Variants in LIFR observed in about 807,000 individuals in gnomAD.
LIFR encodes LIF receptor subunit alpha.
Under a neutral mutation model 122.2 loss-of-function variants are expected in LIFR, and 84 were observed. The observed-to-expected ratio is 0.69, with a 90% CI of 0.58 to 0.82. The LOEUF (loss-of-function observed/expected upper bound fraction) is 0.82, where lower values mean the gene tolerates loss of function less well. Ranked by LOEUF, LIFR falls within the 40% of genes least tolerant of loss-of-function variation. The probability of loss-of-function intolerance (pLI) is 0.00; values close to 1 mark genes in which losing one functional copy is unlikely to be tolerated. For missense variants in LIFR, 1,294 were observed against 1,311.6 expected (o/e 0.99, Z 0.21); for synonymous variants, 422 against 434.7 (o/e 0.97, Z 0.36).
upstream of LIFR, among the ~76,000 whole-genome samples, chr5:38,598,359 A>ACCTCAG (rs1172994372): frequency 2.7e-5 from 4 of 146,556 alleles, no homozygotes; most frequent in East Asian, 8.1e-4. Context: ...CATTTCTCCC[A>ACCTCAG]CCTCAGCCTC....
chr5:38,509,154 A>C (rs1745657981), intron 7 of LIFR, among the ~76,000 whole-genome samples: 1 of 152,214 alleles, frequency 6.6e-6, no homozygotes. Context: ...ACACAAATGG[A>C]AACAGTGCAC....
chr5:38,604,249 G>A (rs1580256232), intron 2 of LIFR, among the ~76,000 whole-genome samples: 1 of 152,120 alleles, frequency 6.6e-6, no homozygotes, highest in South Asian at 2.1e-4. Flanking sequence ...AAATTAACTA[G>A]TCCTACTGAA....
At chr5:38,576,537 G>T (rs1749391843) in intron 1 of LIFR, among the ~76,000 whole-genome samples, 1 of 152,164 alleles carries the variant, frequency 6.6e-6, no homozygotes, top group African/African-American at 2.4e-5. Flanking sequence ...GCATTTTCTT[G>T]GTTCCACTTG....
intron 5 of LIFR, among the ~76,000 whole-genome samples, chr5:38,518,033 C>T (rs1369444545): frequency 1.3e-5 from 2 of 150,770 alleles, no homozygotes; most frequent in Non-Finnish European, 3.0e-5. Flanking sequence ...CAAAAGTATC[C>T]CTTAGGAGTT....
intron 5 of LIFR, among the ~76,000 whole-genome samples, chr5:38,518,801 G>A (rs907491808): frequency 2.0e-5 from 3 of 152,128 alleles, no homozygotes; most frequent in African/African-American, 7.2e-5. Flanking sequence ...AAGAAGGCAT[G>A]GTTACCAGAG....
intron 1 of LIFR, chr5:38,550,179 C>T (rs35472725): frequency 0.36 from 256,162 of 710,578 alleles, 47,244 homozygotes; most frequent in East Asian, 0.42. Context: ...CACCCACCAA[C>T]AGCATTTGAA....
At chr5:38,482,544 A>G in intron 19 of LIFR, 45 bp downstream of exon 19, 2 of 1,015,124 alleles carry the variant, frequency 2.0e-6, no homozygotes, top group African/African-American at 1.6e-5. Flanking sequence ...GATTAAAAAA[A>G]GAAGCCAGCA....
intron 1 of LIFR, among the ~76,000 whole-genome samples, chr5:38,563,676 A>G (rs1350172700): frequency 6.6e-6 from 1 of 152,210 alleles, no homozygotes; most frequent in Non-Finnish European, 1.5e-5. Flanking sequence ...ACTGTGTACC[A>G]ACTCAGCCCA....
chr5:38,541,377 T>C (rs1312746178), intron 1 of LIFR, among the ~76,000 whole-genome samples: 3 of 152,212 alleles, frequency 2.0e-5, no homozygotes, highest in Non-Finnish European at 4.4e-5. Context: ...CTCAGACCCA[T>C]GCACGTCAGC....
At chr5:38,535,730 A>G (rs765027624) in intron 1 of LIFR, among the ~76,000 whole-genome samples, 1 of 152,182 alleles carries the variant, frequency 6.6e-6, no homozygotes, top group African/African-American at 2.4e-5. Flanking sequence ...GGCACAAAGC[A>G]GACACCAAAA....
At chr5:38,578,207 C>CTTTTTTTTTTTTTTTTTTT (rs3079294) in intron 1 of LIFR, among the ~76,000 whole-genome samples, 5 of 123,458 alleles carry the variant, frequency 4.0e-5, no homozygotes, top group East Asian at 4.6e-4. Context: ...TTTTCTTTTT[C>CTTTTTTTTTTTTTTTTTTT]TTTTTTTTTT....
intron 1 of LIFR, among the ~76,000 whole-genome samples, chr5:38,566,733 C>G (rs943139647): frequency 3.9e-5 from 6 of 152,122 alleles, no homozygotes; most frequent in Non-Finnish European, 7.4e-5. Context: ...GTAACAATAT[C>G]TTGATTGTCC....
At chr5:38,517,773 C>T (rs779667083) in intron 5 of LIFR, among the ~76,000 whole-genome samples, 1 of 140,596 alleles carries the variant, frequency 7.1e-6, no homozygotes, top group Non-Finnish European at 1.5e-5. Context: ...AAGAGAATAG[C>T]TTGAACCCGG....
At chr5:38,486,067 C>T in intron 16 of LIFR, 87 bp from the exon 17 acceptor site, 1 of 1,242,710 alleles carries the variant, frequency 8.0e-7, no homozygotes, top group Non-Finnish European at 1.2e-6. Context: ...AACTGCCCTT[C>T]TAAGTGGGTC....
At position 38,496,347 on chromosome 5, in the gene LIFR, C is replaced by A. The variant is rs1329033458; in HGVS notation, c.1885+35G>T. Reference sequence around the variant, plus strand: ...ATCAGACATTTCTCACTTTAGTTTCCCGTTCTTATATACTAAATCATCTCA... The same window carrying A: ...ATCAGACATTTCTCACTTTAGTTTCACGTTCTTATATACTAAATCATCTCA... On this transcript the variant is annotated intron_variant, in intron 13 of 19. Transcript: ENST00000453190. 2.7e-6 allele frequency: 4 copies of A among 1,481,888 alleles called. No homozygotes were observed. The South Asian group carries it at 4.5e-5, about 17-fold the overall frequency. 91.8% of individuals were successfully genotyped at this position (1,481,888 alleles called of 1,614,324 possible).
At chr5:38,587,480 GA>G (rs35454214) in intron 1 of LIFR, among the ~76,000 whole-genome samples, 48,420 of 138,592 alleles carry the variant, frequency 0.35, 7,901 homozygotes, top group South Asian at 0.42. Flanking sequence ...CCGAAGGACT[GA>G]AAAAAAAAAA....
At chr5:38,572,887 T>A (rs1749261103) in intron 1 of LIFR, among the ~76,000 whole-genome samples, 1 of 151,904 alleles carries the variant, frequency 6.6e-6, no homozygotes, top group Admixed American at 6.6e-5. Context: ...TCCTAACCAA[T>A]CATACTCCTT....
chr5:38,510,380 C>T (rs1580073409), intron 7 of LIFR, 84 bp downstream of exon 7: 1 of 432,868 alleles, frequency 2.3e-6, no homozygotes, highest in Non-Finnish European at 3.2e-6. Context: ...ACTCCTCCCA[C>T]CCCCCCACTC....
intron 13 of LIFR, among the ~76,000 whole-genome samples, chr5:38,496,128 TG>T (rs1387883741): frequency 6.6e-6 from 1 of 152,194 alleles, no homozygotes; most frequent in Non-Finnish European, 1.5e-5. Context: ...TATCCACCAC[TG>T]TAACTCTCCA....
Sources: allele counts gnomAD v4.1 joint callset (sites outside exome capture counted in the v4.1 genomes callset), GRCh38; gene constraint gnomAD v4.1.1; transcripts MANE v1.5; gene names NCBI Gene and HGNC (gene_info 2026-07-23, HGNC 2026-07-21).